The following MGAT4C variants were observed in gnomAD, a reference collection of about 807,000 sequenced individuals.
MGAT4C encodes the protein alpha-1,3-mannosyl-glycoprotein 4-beta-N-acetylglucosaminyltransferase C.
MGAT4C carries 19 observed loss-of-function variants against 40.1 expected under a neutral mutation model. That is an observed-to-expected ratio of 0.47 (90% CI 0.33 to 0.70). The LOEUF (loss-of-function observed/expected upper bound fraction) is 0.70. Ranked by LOEUF, MGAT4C falls within the 30% of genes least tolerant of loss-of-function variation. The probability of loss-of-function intolerance (pLI) is 0.02; values close to 1 mark genes in which losing one functional copy is unlikely to be tolerated. For synonymous variants in MGAT4C, 181 were observed against 187.1 expected (o/e 0.97, Z 0.27); for missense variants, 491 against 563.2 (o/e 0.87, Z 1.30).
chr12:86,554,973 G>A (rs999634992), intron 2 of MGAT4C, among the ~76,000 whole-genome samples: 3 of 151,938 alleles, frequency 2.0e-5, no homozygotes, highest in African/African-American at 7.3e-5. Flanking sequence ...CCCCTCCTCT[G>A]TCTTCAAAGC....
Position 85,989,542 on chromosome 12 carries a change from A to T in MGAT4C, c.5T>A (p.Phe2Tyr). M[F>Y]KFHQMKHIFE... is the part of the protein sequence containing the mutation. ...AATATGTTTCATTTGATGAAATTTA[A>T]ACATTCTCTTCTGTGGAAAAGAGAC... Residue 2 changes from phenylalanine to tyrosine, a missense_variant, in exon 3 of 5, where the codon TTT becomes TAT. Coordinates refer to ENST00000611864, the MANE Select transcript of MGAT4C (RefSeq NM_001351288.2). 6.2e-7 allele frequency: 1 copy of T among 1,602,554 alleles called. No individual in the cohort carries two copies. Among genetic ancestry groups the T allele is most frequent in the Non-Finnish European group, 8.5e-7 (1 of 1,174,408 alleles).
Position 86,750,579 on chromosome 12 carries a change from C to T in MGAT4C, c.-261-23338G>A, listed in dbSNP as rs113493348. ...AAAAGATCCCAGATAACAATTCAAACGAAAATATTACATTTGGGAAGATAT... is the reference window on the plus strand; with the variant it reads ...AAAAGATCCCAGATAACAATTCAAATGAAAATATTACATTTGGGAAGATAT... On this transcript the variant is annotated intron_variant, in intron 1 of 7. Coordinates refer to the MGAT4C transcript ENST00000548651. Among the ~76,000 whole-genome samples the T allele has an allele frequency of 6.2e-3, 937 of 151,708 alleles. 7 individuals carry two copies. Among genetic ancestry groups the T allele is most frequent in the African/African-American group, 0.021 (883 of 41,400 alleles).
chr12:86,372,164 G>C (rs940939653), intron 3 of MGAT4C, among the ~76,000 whole-genome samples: 2 of 151,728 alleles, frequency 1.3e-5, no homozygotes, highest in Admixed American at 6.6e-5. Flanking sequence ...CCATTTATTT[G>C]AATTCAGAAT....
intron 1 of MGAT4C, among the ~76,000 whole-genome samples, chr12:86,242,877 A>G (rs1951848956): frequency 6.6e-6 from 1 of 152,096 alleles, no homozygotes; most frequent in African/African-American, 2.4e-5. Flanking sequence ...CAGCGATGCA[A>G]GTTAAGGGAA....
In MGAT4C at chr12:86,129,544, C is replaced by CTTTTTTTTTTTTTTT. The variant is rs751908017; in HGVS notation, c.-56-79836_-56-79822dup. Among the ~76,000 whole-genome samples the CTTTTTTTTTTTTTTT allele has an allele frequency of 1.3e-4, 2 of 15,072 alleles. 1 individual carries two copies. The highest frequency in any genetic ancestry group is 1.9e-4 in the Non-Finnish European group (2 of 10,706). 9.9% of individuals were successfully genotyped at this position (15,072 alleles called of 152,430 possible). ...ACAACTGAGTTTTTGCTTACACAAT[C>CTTTTTTTTTTTTTTT]TTTTTTTTTTTTTTTTTTTTTTTTT... is the stretch of plus-strand genomic sequence containing the variant. On this transcript the variant is annotated intron_variant, in intron 1 of 4. Coordinates refer to ENST00000611864, the MANE Select transcript of MGAT4C (RefSeq NM_001351288.2).
intron 3 of MGAT4C, among the ~76,000 whole-genome samples, chr12:86,386,315 C>T (rs1956050444): frequency 6.6e-6 from 1 of 152,134 alleles, no homozygotes; most frequent in Admixed American, 6.5e-5. Context: ...CCTACATCAC[C>T]AGTCTTTACA....
chr12:86,230,885 T>A (rs1365241407), intron 1 of MGAT4C, among the ~76,000 whole-genome samples: 3 of 148,902 alleles, frequency 2.0e-5, no homozygotes, highest in Non-Finnish European at 3.0e-5. Flanking sequence ...TTTTTTTTAC[T>A]TTTTTCCTAA....
At chr12:86,242,024 C>T (rs1341227898) in intron 1 of MGAT4C, among the ~76,000 whole-genome samples, 1 of 152,136 alleles carries the variant, frequency 6.6e-6, no homozygotes, top group Non-Finnish European at 1.5e-5. Flanking sequence ...GTTATCCACA[C>T]TCTACTGGCA....
chr12:86,417,088 A>G (rs1956733190), intron 3 of MGAT4C, among the ~76,000 whole-genome samples: 1 of 152,176 alleles, frequency 6.6e-6, no homozygotes, highest in Admixed American at 6.5e-5. Flanking sequence ...TAATACATCC[A>G]ATAAAAATTA....
chr12:86,617,031 G>T (rs1024966368), intron 2 of MGAT4C, among the ~76,000 whole-genome samples: 1 of 152,044 alleles, frequency 6.6e-6, no homozygotes, highest in Non-Finnish European at 1.5e-5. Context: ...AAAATACATT[G>T]ATTACATAAC....
At chr12:86,041,153 G>A (rs1436766918) in intron 2 of MGAT4C, among the ~76,000 whole-genome samples, 1 of 150,762 alleles carries the variant, frequency 6.6e-6, no homozygotes, top group East Asian at 1.9e-4. Flanking sequence ...TTTTTTTCCT[G>A]TTAGCTCAGT....
At chr12:86,240,720 T>C (rs1227059471) in intron 1 of MGAT4C, among the ~76,000 whole-genome samples, 3 of 152,128 alleles carry the variant, frequency 2.0e-5, no homozygotes, top group African/African-American at 7.2e-5. Context: ...CTCCTAAATA[T>C]TTGTATTTTT....
At chr12:86,315,681 G>A (rs1326389407) in intron 4 of MGAT4C, among the ~76,000 whole-genome samples, 1 of 152,132 alleles carries the variant, frequency 6.6e-6, no homozygotes, top group African/African-American at 2.4e-5. Flanking sequence ...ACTCCAGCCT[G>A]GGGGACAGGG....
intron 2 of MGAT4C, among the ~76,000 whole-genome samples, chr12:86,462,438 T>C (rs932169067): frequency 2.6e-5 from 4 of 152,204 alleles, no homozygotes; most frequent in South Asian, 2.1e-4. Context: ...TTACAAAACA[T>C]TGACAACACA....
At chr12:86,659,220 C>T (rs1449065161) in intron 2 of MGAT4C, among the ~76,000 whole-genome samples, 4 of 151,768 alleles carry the variant, frequency 2.6e-5, no homozygotes, top group African/African-American at 7.3e-5. Flanking sequence ...TTTCTTCATC[C>T]ATGGGAATCT....
At chr12:86,798,911 T>C (rs1023713122) in intron 1 of MGAT4C, among the ~76,000 whole-genome samples, 1 of 151,876 alleles carries the variant, frequency 6.6e-6, no homozygotes, top group African/African-American at 2.4e-5. Flanking sequence ...AGAGTTGCCA[T>C]GTCTTAAAAA....
At chr12:86,478,916 C>T (rs1405235572) in intron 2 of MGAT4C, among the ~76,000 whole-genome samples, 1 of 151,958 alleles carries the variant, frequency 6.6e-6, no homozygotes. Context: ...AAAATAAAGT[C>T]CTGAGTTATT....
intron 2 of MGAT4C, among the ~76,000 whole-genome samples, chr12:86,560,204 C>T (rs1229340158): frequency 6.6e-6 from 1 of 151,946 alleles, no homozygotes; most frequent in African/African-American, 2.4e-5. Flanking sequence ...TTGTACCAAG[C>T]TTATAAAGGA....
chr12:86,753,520 C>CTG (rs1388204898), intron 1 of MGAT4C, among the ~76,000 whole-genome samples: 1 of 151,996 alleles, frequency 6.6e-6, no homozygotes, highest in African/African-American at 2.4e-5. Context: ...CTCTGTATTT[C>CTG]TGTGTGTGTG....
Sources: allele counts gnomAD v4.1 joint callset (sites outside exome capture counted in the v4.1 genomes callset), GRCh38; gene constraint gnomAD v4.1.1; transcripts MANE v1.5; gene names NCBI Gene and HGNC (gene_info 2026-07-23, HGNC 2026-07-21).